Variants in KIF5C observed in about 807,000 individuals in gnomAD.
KIF5C encodes the protein kinesin heavy chain isoform 5C.
KIF5C carries 18 observed loss-of-function variants against 125.2 expected under a neutral mutation model. The ratio of observed to expected loss-of-function variants is 0.14; its 90% confidence interval spans 0.10 to 0.21. KIF5C has a LOEUF of 0.21. Among genes scored for constraint, KIF5C ranks in the 10% least tolerant of loss-of-function variants. The probability of loss-of-function intolerance (pLI) is 1.00; values close to 1 mark genes in which losing one functional copy is unlikely to be tolerated. For synonymous variants in KIF5C, 405 were observed against 434.0 expected, an observed-to-expected ratio of 0.93 and a Z score of 0.83; for missense variants, 780 against 1,183.8, an observed-to-expected ratio of 0.66 and a Z score of 5.01.
intron 3 of KIF5C, 32 bp from the exon 4 acceptor site, chr2:148,937,252 T>TAACTGC: frequency 6.4e-7 from 1 of 1,559,382 alleles, no homozygotes; most frequent in Non-Finnish European, 8.7e-7. Context: ...CAGCATGCTT[T>TAACTGC]AACTGCCCGT....
At chr2:148,977,990 C>A (rs1681121108) in intron 12 of KIF5C, among the ~76,000 whole-genome samples, 1 of 152,028 alleles carries the variant, frequency 6.6e-6, no homozygotes, top group Non-Finnish European at 1.5e-5. Context: ...GAAGAAGTGC[C>A]CAAGGATGCT....
rs1026075469 is a variant in KIF5C at position 148,996,538 on chromosome 2, G to A, written c.2024-726G>A. Among the ~76,000 whole-genome samples, 3 of 152,290 alleles carry A rather than the reference G, an allele frequency of 2.0e-5. No homozygotes were observed. The South Asian group carries it at 6.2e-4, about 32-fold the overall frequency. ...GTGGAACAGACTAGAGAGAAATAAT[G>A]AATTGAATGTCACTGTCGTAAAGCA... On this transcript the variant is annotated intron_variant, in intron 17 of 25. Transcript: ENST00000435030.
At chr2:148,882,820 T>C (rs1168868781) in intron 1 of KIF5C, among the ~76,000 whole-genome samples, 1 of 152,206 alleles carries the variant, frequency 6.6e-6, no homozygotes, top group Non-Finnish European at 1.5e-5. Flanking sequence ...CCTTCCCCAG[T>C]AGAGCATTTC....
intron 10 of KIF5C, among the ~76,000 whole-genome samples, chr2:148,959,531 C>T (rs1188065628): frequency 1.3e-5 from 2 of 152,022 alleles, no homozygotes; most frequent in East Asian, 3.9e-4. Context: ...CATATTCTAC[C>T]TTTAGTGGAT....
rs201685014 is a variant in KIF5C, at chr2:149,011,614, G to A, written c.2812G>A (p.Ala938Thr). Reference sequence around the variant, plus strand: ...ACACTACCCGGCCTCATCTCCAACGGCCGTCCATGCCATTCGAGGGGGAGG... The same window carrying A: ...ACACTACCCGGCCTCATCTCCAACGACCGTCCATGCCATTCGAGGGGGAGG... ...PGHYPASSPT[A>T]VHAIRGGGGS... The change falls in exon 25 of 26, where the codon GCC (alanine) becomes ACC (threonine). Residue 938 changes from alanine (A) to threonine (T), a missense_variant. Around this residue, in one of 2 missense-constraint regions of KIF5C, gnomAD observed 573 missense variants for 742.6 expected, o/e 0.77. Transcript: ENST00000435030. 4.8e-5 allele frequency: 77 copies of A among 1,614,038 alleles called. No individual in the cohort carries two copies. The African/African-American group carries it at 8.9e-4, about 19-fold the overall frequency.
chr2:148,918,806 T>G (rs1681663592), intron 1 of KIF5C, among the ~76,000 whole-genome samples: 1 of 152,192 alleles, frequency 6.6e-6, no homozygotes, highest in Non-Finnish European at 1.5e-5. Flanking sequence ...TTTAGGAAGC[T>G]CATTTTAGCT....
At chr2:148,895,509 T>C (rs1681816023) in intron 1 of KIF5C, among the ~76,000 whole-genome samples, 1 of 152,172 alleles carries the variant, frequency 6.6e-6, no homozygotes, top group East Asian at 1.9e-4. Flanking sequence ...GTTTACTTTT[T>C]TTTTTATCTT....
chr2:148,988,647 C>T (rs1681447038), intron 15 of KIF5C, among the ~76,000 whole-genome samples: 1 of 152,210 alleles, frequency 6.6e-6, no homozygotes, highest in Non-Finnish European at 1.5e-5. Context: ...TAAGATACAC[C>T]TGGTCAGGCT....
At chr2:148,987,291 A>T (rs936372084) in intron 15 of KIF5C, among the ~76,000 whole-genome samples, 2 of 152,210 alleles carry the variant, frequency 1.3e-5, no homozygotes, top group East Asian at 3.9e-4. Flanking sequence ...GAGACTTAAC[A>T]TTTAAATGTA....
intron 12 of KIF5C, among the ~76,000 whole-genome samples, chr2:148,975,363 A>C (rs933454809): frequency 6.6e-6 from 1 of 152,178 alleles, no homozygotes. Flanking sequence ...TGAAGAATAC[A>C]TGAGGTGGGA....
chr2:148,965,469 G>A (rs1208947344), intron 11 of KIF5C, among the ~76,000 whole-genome samples: 3 of 152,124 alleles, frequency 2.0e-5, no homozygotes, highest in Non-Finnish European at 4.4e-5. Context: ...TTTTCTAGGG[G>A]CAAAGTTCTT....
At chr2:148,933,789 C>G (rs1682227830) in intron 3 of KIF5C, among the ~76,000 whole-genome samples, 1 of 150,940 alleles carries the variant, frequency 6.6e-6, no homozygotes, top group South Asian at 2.1e-4. Context: ...ATACCACATA[C>G]CCCCCATATA....
intron 2 of KIF5C, among the ~76,000 whole-genome samples, chr2:148,926,796 T>C (rs1267445555): frequency 6.6e-6 from 1 of 152,156 alleles, no homozygotes; most frequent in Non-Finnish European, 1.5e-5. Flanking sequence ...TACCTTCTAG[T>C]GCAGCAGGGA....
intron 3 of KIF5C, among the ~76,000 whole-genome samples, chr2:148,935,255 T>C (rs1475552104): frequency 1.3e-5 from 2 of 152,178 alleles, no homozygotes; most frequent in African/African-American, 2.4e-5. Flanking sequence ...CAGGAATCAA[T>C]GGGGAGATAA....
rs1313996081 is a variant in KIF5C, at chr2:149,023,428, G to T, written c.*358G>T. ...CCCTAATGTGCCATTCCCTAGAGGG[G>T]AACAACCAAGTGCCGTGGAGGCAGA... On this transcript the variant is annotated 3_prime_UTR_variant, in exon 26 of 26. Transcript: ENST00000435030. 1.3e-5 allele frequency: 2 copies of T among 152,600 alleles called. No homozygotes were observed. Among genetic ancestry groups the T allele is most frequent in the African/African-American group, 4.8e-5 (2 of 41,434 alleles). The allele number at this position is 152,600 out of a possible 1,614,324, so 9.5% of individuals were successfully genotyped here. A position where few individuals can be genotyped will look rare whatever the true frequency, so the allele number is the denominator to read the frequency against.
At chr2:149,000,106 T>C in intron 19 of KIF5C, 1 of 239,128 alleles carries the variant, frequency 4.2e-6, no homozygotes, top group Non-Finnish European at 8.0e-6. Flanking sequence ...GCAGAGTTCT[T>C]CTGACATGGG....
At chr2:148,978,302 C>T (rs1442179053) in intron 12 of KIF5C, among the ~76,000 whole-genome samples, 1 of 140,546 alleles carries the variant, frequency 7.1e-6, no homozygotes. Context: ...AGAAAGTAAG[C>T]ATGAATGCTT....
At chr2:148,989,559 C>T (rs1574817580) in intron 15 of KIF5C, among the ~76,000 whole-genome samples, 1 of 152,328 alleles carries the variant, frequency 6.6e-6, no homozygotes, top group South Asian at 2.1e-4. Context: ...AAAGAATCTC[C>T]ACACTGTTTT....
At chr2:148,984,046 C>T (rs1406847426) in intron 15 of KIF5C, among the ~76,000 whole-genome samples, 1 of 152,126 alleles carries the variant, frequency 6.6e-6, no homozygotes, top group Non-Finnish European at 1.5e-5. Context: ...TGGTTTATTT[C>T]TCAACTTATT....
Sources: allele counts gnomAD v4.1 joint callset (sites outside exome capture counted in the v4.1 genomes callset), GRCh38; gene constraint gnomAD v4.1.1; regional missense constraint gnomAD v4.1.1; transcripts MANE v1.5; gene names NCBI Gene and HGNC (gene_info 2026-07-23, HGNC 2026-07-21).